FRK: variants seen among roughly 807,000 people sequenced by gnomAD.
The protein encoded by FRK is fyn related Src family tyrosine kinase, also known as tyrosine-protein kinase FRK.
In FRK, 51 loss-of-function variants were observed where a neutral mutation model predicts 56.4. The observed-to-expected ratio is 0.90, with a 90% CI of 0.72 to 1.14. The LOEUF is 1.14. Among genes scored for constraint, FRK ranks in the 50% most tolerant of loss-of-function variants. FRK has a pLI of 0.00. For missense variants in FRK, 570 were observed against 601.4 expected, an observed-to-expected ratio of 0.95 and a Z score of 0.55; for synonymous variants, 245 against 217.9, an observed-to-expected ratio of 1.12 and a Z score of -1.10.
chr6:116,090,712 T>C, the FRK span, among the ~76,000 whole-genome samples: 2 of 152,244 alleles, frequency 1.3e-5, no homozygotes, highest in South Asian at 2.1e-4. Context: ...CTCTCAATAG[T>C]ATGTTAGCCC....
chr6:116,031,748 G>A (rs942996744), intron 1 of FRK, among the ~76,000 whole-genome samples: 1 of 151,954 alleles, frequency 6.6e-6, no homozygotes, highest in Non-Finnish European at 1.5e-5. Flanking sequence ...CTTTCAATTT[G>A]TTTCTTAAAA....
At chr6:116,039,268 A>G (rs1158994402) in intron 1 of FRK, 3 of 1,488,814 alleles carry the variant, frequency 2.0e-6, no homozygotes, top group Non-Finnish European at 2.8e-6. Context: ...CATTGGTACC[A>G]GCAAGACTGC....
the FRK span, among the ~76,000 whole-genome samples, chr6:116,084,141 C>T: frequency 2.6e-5 from 4 of 152,168 alleles, no homozygotes; most frequent in East Asian, 7.7e-4. Flanking sequence ...CCCACTAGCA[C>T]TAACTACTCA....
chr6:116,094,700 A>G, the FRK span, among the ~76,000 whole-genome samples: 16 of 152,238 alleles, frequency 1.1e-4, no homozygotes, highest in African/African-American at 3.9e-4. Context: ...GAACAGCAGC[A>G]TAAGCATCTG....
At chr6:116,078,530 T>C in the FRK span, among the ~76,000 whole-genome samples, 6 of 152,200 alleles carry the variant, frequency 3.9e-5, no homozygotes, top group Admixed American at 3.3e-4. Flanking sequence ...GTGTTAGTTG[T>C]TTTAATTCTC....
At chr6:116,082,291 G>T in the FRK span, among the ~76,000 whole-genome samples, 411 of 152,340 alleles carry the variant, frequency 2.7e-3, 2 homozygotes, top group African/African-American at 8.9e-3. Flanking sequence ...TCGATTCTGA[G>T]TGAGGCTAAA....
At chr6:116,015,192 G>T (rs1013796635) in intron 1 of FRK, among the ~76,000 whole-genome samples, 1 of 152,080 alleles carries the variant, frequency 6.6e-6, no homozygotes, top group Non-Finnish European at 1.5e-5. Context: ...GGACCTGGTG[G>T]GAGATGACTG....
rs1478083798 is a variant in FRK at position 115,938,070 on chromosome 6, A to G, written c.*4344T>C. The G allele has an allele frequency of 6.6e-6, 1 of 152,172 alleles. No individual in the cohort carries two copies. Among genetic ancestry groups the G allele is most frequent in the South Asian group, 2.1e-4 (1 of 4,828 alleles). 9.4% of individuals were successfully genotyped at this position (152,172 alleles called of 1,614,324 possible). A position where few individuals can be genotyped will look rare whatever the true frequency, so the allele number is the denominator to read the frequency against. ...CACTTATTCTAAAAGTGATCACATA[A>G]TTGGAAGTAAAACACTCCTCAGCAA... On this transcript the variant is annotated 3_prime_UTR_variant, in exon 8 of 8. Coordinates refer to ENST00000606080, the MANE Select transcript of FRK (RefSeq NM_002031.3).
At chr6:115,989,801 C>T (rs1774525422) in intron 2 of FRK, among the ~76,000 whole-genome samples, 1 of 151,810 alleles carries the variant, frequency 6.6e-6, no homozygotes, top group South Asian at 2.1e-4. Flanking sequence ...GTGTAAATAC[C>T]CAGTAGTGGG....
At chr6:116,072,838 T>A in the FRK span, among the ~76,000 whole-genome samples, 2 of 152,146 alleles carry the variant, frequency 1.3e-5, no homozygotes, top group African/African-American at 2.4e-5. Context: ...GTGGAAAGTA[T>A]AACAGGGAAG....
intron 1 of FRK, chr6:116,038,830 C>T (rs534800136): frequency 1.9e-6 from 1 of 520,112 alleles, no homozygotes; most frequent in East Asian, 5.1e-5. Context: ...GGGAGCTCAT[C>T]CGCACTCTGA....
At chr6:115,954,810 C>T (rs1772921710) in intron 5 of FRK, among the ~76,000 whole-genome samples, 1 of 152,168 alleles carries the variant, frequency 6.6e-6, no homozygotes, top group Non-Finnish European at 1.5e-5. Flanking sequence ...TCTGTCACTT[C>T]TGGTCAGAAG....
intron 3 of FRK, 84 bp from the exon 4 acceptor site, chr6:115,967,803 C>A: frequency 1.8e-6 from 2 of 1,097,756 alleles, no homozygotes; most frequent in Non-Finnish European, 2.5e-6. Context: ...AGTCTAGGTA[C>A]TTTTAAATAA....
At chr6:116,093,592 C>T in the FRK span, among the ~76,000 whole-genome samples, 2 of 152,252 alleles carry the variant, frequency 1.3e-5, no homozygotes, top group African/African-American at 4.8e-5. Flanking sequence ...AAATTCCCTA[C>T]TGGTCAGCAA....
intron 2 of FRK, among the ~76,000 whole-genome samples, chr6:116,000,449 G>T (rs1775022384): frequency 6.6e-6 from 1 of 151,724 alleles, no homozygotes; most frequent in African/African-American, 2.4e-5. Context: ...CACCATGTTG[G>T]CCAGGCTAGT....
intron 1 of FRK, among the ~76,000 whole-genome samples, chr6:116,025,959 AG>A (rs1168237879): frequency 6.6e-6 from 1 of 152,176 alleles, no homozygotes; most frequent in Non-Finnish European, 1.5e-5. Context: ...TGAGTTAAAA[AG>A]GGGGTAATAA....
At chr6:115,951,596 GA>G (rs1269526310) in intron 5 of FRK, among the ~76,000 whole-genome samples, 1 of 152,076 alleles carries the variant, frequency 6.6e-6, no homozygotes, top group Admixed American at 6.5e-5. Flanking sequence ...TCATTTTGGA[GA>G]AATGTATTAC....
Position 116,000,223 on chromosome 6 carries a change from C to CTTT in FRK, c.466+3651_466+3653dup, listed in dbSNP as rs561273499. ...TTTCCTCATGAAAATATCATTCTTT[C>CTTT]TTTTTTTTTTTTTTTTTTTTTTTTT... On this transcript the variant is annotated intron_variant, in intron 2 of 7. Transcript: ENST00000606080. 2.6e-3 allele frequency among the ~76,000 whole-genome samples: 138 copies of CTTT among 53,088 alleles called. 28 individuals carry two copies. The highest frequency in any genetic ancestry group is 6.9e-3 in the African/African-American group (77 of 11,102). 34.8% of individuals were successfully genotyped at this position (53,088 alleles called of 152,430 possible).
In FRK at chr6:115,951,214, TTA is replaced by T. The variant is rs1772737076; in HGVS notation, c.958+5236_958+5237del. Among the ~76,000 whole-genome samples, 4 of 152,248 alleles carry T rather than the reference TTA, an allele frequency of 2.6e-5. No individual in the cohort carries two copies. In the South Asian group the frequency reaches 8.3e-4, roughly 32 times the overall value. ...AAAACAAAATGAATGAAGTTAATAT[TTA>T]TAAAAGACTTAGAAATTGCCTGTCA... On this transcript the variant is annotated intron_variant, in intron 5 of 7. Transcript: ENST00000606080.
Sources: gnomAD v4.1 joint callset for allele counts (sites outside exome capture counted in the v4.1 genomes callset) on GRCh38, gnomAD v4.1.1 for gene constraint, MANE v1.5 for transcripts, NCBI Gene and HGNC (gene_info 2026-07-23, HGNC 2026-07-21) for gene names.